RANGAP1: variants seen among roughly 807,000 people sequenced by gnomAD.
RANGAP1 encodes the protein Ran GTPase activating protein 1, also known as ran GTPase-activating protein 1.
Under a neutral mutation model 63.5 loss-of-function variants are expected in RANGAP1, and 38 were observed. The ratio of observed to expected loss-of-function variants is 0.60; its 90% CI spans 0.46 to 0.78. The LOEUF is 0.78. Ranked by LOEUF, RANGAP1 falls within the 30% of genes least tolerant of loss-of-function variation. The probability of loss-of-function intolerance (pLI) is 0.00; values close to 1 mark genes in which losing one functional copy is unlikely to be tolerated. For missense variants in RANGAP1, 630 were observed against 740.3 expected, an observed-to-expected ratio of 0.85 and a Z score of 1.73; for synonymous variants, 329 against 310.5, an observed-to-expected ratio of 1.06 and a Z score of -0.63.
rs2032971825 is a variant in RANGAP1, at chr22:41,245,548, G to A, written c.*1055C>T. 1 of 152,228 alleles carries A rather than the reference G, an allele frequency of 6.6e-6. No homozygotes were observed. Among genetic ancestry groups the A allele is most frequent in the African/African-American group, 2.4e-5 (1 of 41,454 alleles). The allele number at this position is 152,228 out of a possible 1,614,324, so 9.4% of individuals were successfully genotyped here. A position where few individuals can be genotyped will look rare whatever the true frequency, so the allele number is the denominator to read the frequency against. On this transcript the variant is annotated 3_prime_UTR_variant, in exon 16 of 16. Coordinates refer to ENST00000356244, the MANE Select transcript of RANGAP1 (RefSeq NM_002883.4). ...CTGCGGGGCCGCATGCTCTGCCGAG[G>A]TGGGACTCCACGTACAACGGCCCCC...
chr22:41,295,226 G>C, the RANGAP1 span, among the ~76,000 whole-genome samples: 3 of 151,810 alleles, frequency 2.0e-5, no homozygotes, highest in Non-Finnish European at 4.4e-5. Context: ...GAACAGGCCA[G>C]GATGACAATG....
rs758971973 is a variant in RANGAP1 at position 41,280,978 on chromosome 22, G to A, written c.67C>T (p.Leu23=). Residue 23 remains leucine (L), a synonymous_variant, in exon 2 of 16, where the codon CTG becomes TTG. Coordinates refer to ENST00000356244, the MANE Select transcript of RANGAP1 (RefSeq NM_002883.4). The part of the protein sequence containing the change: ...LAKTQVAGGQ[L]SFKGKSLKLN... ...TTGAGGCTCTTGCCTTTGAAACTCAGCTGTCCCCCGGCCACCTGAGTCTTG... is the reference window on the plus strand; with the variant it reads ...TTGAGGCTCTTGCCTTTGAAACTCAACTGTCCCCCGGCCACCTGAGTCTTG... The A allele has an allele frequency of 1.1e-5, 17 of 1,613,730 alleles. No homozygotes were observed. In the Admixed American group the frequency reaches 1.2e-4, roughly 11 times the overall value.
At chr22:41,300,947 C>T in the RANGAP1 span, among the ~76,000 whole-genome samples, 26 of 152,162 alleles carry the variant, frequency 1.7e-4, no homozygotes, top group Non-Finnish European at 3.7e-4. Context: ...TCTCCTTCCT[C>T]ATAAATTCCC....
chr22:41,285,845 C>A, intron 1 of RANGAP1, 141 bp downstream of exon 1: 1 of 418,618 alleles, frequency 2.4e-6, no homozygotes, highest in Non-Finnish European at 3.2e-6. Context: ...CCACCGCCAC[C>A]CCTGGGGCGC....
In RANGAP1 at chr22:41,256,803, C is replaced by T. The variant is rs377114897; in HGVS notation, c.796G>A (p.Val266Met). Residue 266 changes from valine to methionine, a missense_variant, in exon 8 of 16, where the codon GTG becomes ATG. Physicochemically the swap from Val to Met is conservative, Grantham distance 21. Transcript: ENST00000356244. The stretch of plus-strand genomic sequence containing the variant: ...CAGTCCCCAAAATTAATCACCTCCA[C>T]CTGCCGCAAGGTCTTCAAGGTCTGT... The part of the protein sequence containing the change: ...MAETLKTLRQ[V>M]EVINFGDCLV... The T allele has an allele frequency of 5.0e-6, 8 of 1,614,150 alleles. No homozygotes were observed. Among genetic ancestry groups the T allele is most frequent in the South Asian group, 1.1e-5 (1 of 91,080 alleles).
At position 41,255,992 on chromosome 22, in the gene RANGAP1, G is replaced by A. The variant is rs187835162; in HGVS notation, c.1073+29C>T. On this transcript the variant is annotated intron_variant, in intron 10 of 15. Transcript: ENST00000356244. ...AGAAAGAAAGGAATGGCCTGACCCCGACCTCTGGGGCCACCCCGAGTTCCC... is the reference window on the plus strand; with the variant it reads ...AGAAAGAAAGGAATGGCCTGACCCCAACCTCTGGGGCCACCCCGAGTTCCC... The A allele has an allele frequency of 7.7e-4, 1,227 of 1,601,858 alleles. 2 individuals carry two copies. Among genetic ancestry groups the A allele is most frequent in the Non-Finnish European group, 9.2e-4 (1,075 of 1,172,532 alleles).
chr22:41,266,075 G>A lies in RANGAP1; in HGVS notation c.301-1232C>T, dbSNP rs1350869047. ...AAATTAGCCGGGCATGGTGGCGGGC[G>A]CCTGTAGTCCCAGCTACTTGGGAGG... On this transcript the variant is annotated intron_variant, in intron 4 of 15. Transcript: ENST00000356244. Among the ~76,000 whole-genome samples the A allele has an allele frequency of 3.9e-5, 6 of 152,064 alleles. No individual in the cohort carries two copies. The East Asian group carries it at 5.8e-4, about 15-fold the overall frequency.
Position 41,252,909 on chromosome 22 carries a change from C to A in RANGAP1, c.1343G>T (p.Arg448Leu). 5.1e-6 allele frequency: 8 copies of A among 1,572,574 alleles called. No homozygotes were observed. The highest frequency in any genetic ancestry group is 6.9e-6 in the Non-Finnish European group (8 of 1,161,220). Residue 448 changes from arginine to leucine, a missense_variant, in exon 12 of 16, where the codon CGC becomes CTC. Physicochemically the swap from Arg to Leu is moderately radical, Grantham distance 102 (BLOSUM62 -2). Around this residue, in one of 3 missense-constraint regions of RANGAP1, gnomAD observed 428 missense variants for 465.5 expected, o/e 0.92. Coordinates refer to ENST00000356244, the MANE Select transcript of RANGAP1 (RefSeq NM_002883.4). Reference sequence around the variant, plus strand: ...CAGCACGGAGCTCTTGGGCCCTAGGCGCAGCAGCTTCTCTGGAGAGGGAAA... The same window carrying A: ...CAGCACGGAGCTCTTGGGCCCTAGGAGCAGCAGCTTCTCTGGAGAGGGAAA... ...LAFPSPEKLL[R>L]LGPKSSVLIA...
At chr22:41,280,587 G>T (rs1449447425) in intron 2 of RANGAP1, 1 of 1,112,294 alleles carries the variant, frequency 9.0e-7, no homozygotes, top group East Asian at 5.6e-5. Context: ...GGATCATGGG[G>T]GTTAAGGGCA....
At chr22:41,253,679 A>G (rs1027126211) in intron 11 of RANGAP1, among the ~76,000 whole-genome samples, 3 of 150,698 alleles carry the variant, frequency 2.0e-5, no homozygotes, top group East Asian at 1.9e-4. Flanking sequence ...GTGGGTGGGG[A>G]AAAAAAAAAT....
chr22:41,286,287 C>CG (rs2035747611), upstream of RANGAP1: 1 of 152,292 alleles, frequency 6.6e-6, no homozygotes, highest in African/African-American at 2.4e-5. Flanking sequence ...CCCGCTCGCG[C>CG]GGCCTCTCGG....
intron 3 of RANGAP1, among the ~76,000 whole-genome samples, chr22:41,273,436 C>T (rs1407727218): frequency 2.0e-5 from 3 of 152,002 alleles, no homozygotes; most frequent in Admixed American, 1.3e-4. Flanking sequence ...TTGCCCTTTG[C>T]GTTGGCCAAA....
At chr22:41,273,809 C>T (rs1038752793) in intron 3 of RANGAP1, among the ~76,000 whole-genome samples, 13 of 136,374 alleles carry the variant, frequency 9.5e-5, no homozygotes, top group East Asian at 4.4e-4. Flanking sequence ...GGAGCAGTGG[C>T]TCATGCCTGT....
chr22:41,286,893 A>T (rs1027411850), upstream of RANGAP1, among the ~76,000 whole-genome samples: 1 of 152,206 alleles, frequency 6.6e-6, no homozygotes, highest in Non-Finnish European at 1.5e-5. Context: ...GACATGGTAC[A>T]GAATAACTGA....
the RANGAP1 span, among the ~76,000 whole-genome samples, chr22:41,294,773 C>G: frequency 7.5e-6 from 1 of 132,540 alleles, no homozygotes; most frequent in Non-Finnish European, 1.6e-5. Context: ...CCCCTCCGCC[C>G]GGCAGCCGCC....
intron 15 of RANGAP1, among the ~76,000 whole-genome samples, chr22:41,247,163 C>T (rs950695699): frequency 1.3e-5 from 2 of 152,090 alleles, no homozygotes; most frequent in African/African-American, 2.4e-5. Flanking sequence ...TCACGCCATT[C>T]TCCTGCCTCA....
In RANGAP1 at chr22:41,261,588, G is replaced by T; in HGVS notation, c.481-8C>A. The T allele has an allele frequency of 6.2e-7, 1 of 1,614,174 alleles. No individual in the cohort carries two copies. The highest frequency in any genetic ancestry group is 8.5e-7 in the Non-Finnish European group (1 of 1,180,040). On this transcript the variant is annotated splice_polypyrimidine_tract_variant and splice_region_variant and intron_variant, in intron 5 of 15. Coordinates refer to ENST00000356244, the MANE Select transcript of RANGAP1 (RefSeq NM_002883.4). ...CAGAGCTGCAGCCAGGATCTGTGGG[G>T]AAAGGCAAGGGGCCCTGGTCATGGG... is the stretch of plus-strand genomic sequence containing the variant.
chr22:41,271,435 G>A (rs1042533728), intron 3 of RANGAP1, among the ~76,000 whole-genome samples: 6 of 147,224 alleles, frequency 4.1e-5, no homozygotes, highest in East Asian at 2.0e-4. Context: ...AGAGGCTCAC[G>A]CCTGTAATCC....
intron 5 of RANGAP1, among the ~76,000 whole-genome samples, chr22:41,261,855 A>C (rs1291778551): frequency 1.3e-5 from 2 of 152,182 alleles, no homozygotes; most frequent in Non-Finnish European, 2.9e-5. Context: ...AAAGGGAGAG[A>C]CCACATGGAG....
Sources: gnomAD v4.1 joint callset for allele counts (sites outside exome capture counted in the v4.1 genomes callset) on GRCh38, gnomAD v4.1.1 for gene constraint, gnomAD v4.1.1 regional missense constraint, MANE v1.5 for transcripts, NCBI Gene and HGNC (gene_info 2026-07-23, HGNC 2026-07-21) for gene names.